The following BCAS3 variants were observed in gnomAD, a reference collection of about 807,000 sequenced individuals.
The protein encoded by BCAS3 is BCAS4/BCAS3 fusion.
A neutral mutation model predicts 116.1 loss-of-function variants in BCAS3; 53 were observed. The ratio of observed to expected loss-of-function variants is 0.46; its 90% CI spans 0.37 to 0.57. The LOEUF is 0.57. Among genes scored for constraint, BCAS3 ranks in the 20% least tolerant of loss-of-function variants. The pLI, the probability that BCAS3 is intolerant of heterozygous loss-of-function variation, is 0.00. For missense variants in BCAS3, 917 were observed against 1,165.4 expected (o/e 0.79, Z 3.10); for synonymous variants, 391 against 408.2 (o/e 0.96, Z 0.51).
chr17:61,198,109 G>C lies in BCAS3; in HGVS notation c.2425+113545G>C, dbSNP rs1258168370. 6.6e-6 allele frequency among the ~76,000 whole-genome samples: 1 copy of C among 151,526 alleles called. No homozygotes were observed. The highest frequency in any genetic ancestry group is 1.5e-5 in the Non-Finnish European group (1 of 67,932). On this transcript the variant is annotated intron_variant, in intron 22 of 23. Coordinates refer to ENST00000407086, the MANE Select transcript of BCAS3 (RefSeq NM_017679.5). This position sits in a 1 kb window ranked among gnomAD's most constrained non-coding sequence, Gnocchi z 5.0. ...ACTTAGTGGATGTTTGCTGATATGC[G>C]ATTAAGATAAAGTGCAAGATATGTT...
chr17:60,702,616 G>A (rs914392429), intron 4 of BCAS3, among the ~76,000 whole-genome samples: 2 of 151,972 alleles, frequency 1.3e-5, no homozygotes, highest in South Asian at 2.1e-4. Flanking sequence ...TTGAGACAGC[G>A]TCTTCCTCTG....
At chr17:61,143,944 C>T (rs1395467380) in intron 22 of BCAS3, among the ~76,000 whole-genome samples, 2 of 152,118 alleles carry the variant, frequency 1.3e-5, no homozygotes, top group African/African-American at 4.8e-5. Flanking sequence ...TGTGAAGCAC[C>T]AAGTAGATGG....
intron 9 of BCAS3, among the ~76,000 whole-genome samples, chr17:60,881,695 G>GC (rs1443363765): frequency 1.3e-5 from 2 of 149,364 alleles, no homozygotes; most frequent in Non-Finnish European, 3.0e-5. Flanking sequence ...GCGGTGTTTG[G>GC]TTTTTTGGTC....
chr17:60,951,176 A>C (rs2060810427), intron 14 of BCAS3, among the ~76,000 whole-genome samples: 1 of 152,018 alleles, frequency 6.6e-6, no homozygotes, highest in African/African-American at 2.4e-5. Flanking sequence ...TTTTTCAGTA[A>C]ATTTTCTTGG....
intron 22 of BCAS3, among the ~76,000 whole-genome samples, chr17:61,225,649 T>G (rs1421359072): frequency 1.3e-5 from 2 of 152,194 alleles, no homozygotes; most frequent in Non-Finnish European, 2.9e-5. Context: ...TGGATGTTGC[T>G]TTACTGCTTA....
Position 61,213,183 on chromosome 17 carries a change from G to A in BCAS3, c.2425+128619G>A, listed in dbSNP as rs2081573674. ...TTTGTTTGTTTGTTTTTTGTTTTTT[G>A]TTTTGAGATTGAGTCTCACTCTGTC... is the stretch of plus-strand genomic sequence containing the variant. On this transcript the variant is annotated intron_variant, in intron 22 of 23. Transcript: ENST00000407086. This position sits in a 1 kb window ranked among gnomAD's most constrained non-coding sequence, Gnocchi z 5.4. 6.6e-6 allele frequency among the ~76,000 whole-genome samples: 1 copy of A among 151,340 alleles called. No homozygotes were observed. Among genetic ancestry groups the A allele is most frequent in the Non-Finnish European group, 1.5e-5 (1 of 67,774 alleles).
In BCAS3 at chr17:61,034,582, G is replaced by A; in HGVS notation, c.1638-84G>A. 1 of 1,277,732 alleles carries A rather than the reference G, an allele frequency of 7.8e-7. No individual in the cohort carries two copies. Among genetic ancestry groups the A allele is most frequent in the Non-Finnish European group, 1.1e-6 (1 of 931,984 alleles). 79.1% of individuals were successfully genotyped at this position (1,277,732 alleles called of 1,614,324 possible). On this transcript the variant is annotated intron_variant, in intron 16 of 23. Transcript: ENST00000407086. The surrounding 1 kb of genome is among the most constrained non-coding windows in gnomAD (Gnocchi z 5.0). ...ATACTGGAGGATTTGAATAGGGGTG[G>A]AATTTAAAGGAAAAACTGTCATTAC...
rs2072781592 is a variant in BCAS3, at chr17:61,083,210, C to G, written c.2328-1257C>G. Among the ~76,000 whole-genome samples the G allele has an allele frequency of 6.6e-6, 1 of 152,204 alleles. No individual in the cohort carries two copies. The highest frequency in any genetic ancestry group is 1.5e-5 in the Non-Finnish European group (1 of 68,038). On this transcript the variant is annotated intron_variant, in intron 21 of 23. Transcript: ENST00000407086. This position sits in a 1 kb window ranked among gnomAD's most constrained non-coding sequence, Gnocchi z 4.9. ...TGTTCCAGCTCTGCAAGATCTCTAA[C>G]TGATGTGGACCCTGCATGTATTCCC...
intron 22 of BCAS3, among the ~76,000 whole-genome samples, chr17:61,341,723 G>A (rs2057169316): frequency 1.3e-5 from 2 of 152,174 alleles, no homozygotes; most frequent in African/African-American, 2.4e-5. Context: ...TTGTTATCAC[G>A]CTGCTTCCAT....
rs1482919622 is a variant in BCAS3 at position 61,380,614 on chromosome 17, C to G, written c.2594-11363C>G. 7 of 1,571,240 alleles carry G rather than the reference C, an allele frequency of 4.5e-6. No individual in the cohort carries two copies. The highest frequency in any genetic ancestry group is 6.1e-6 in the Non-Finnish European group (7 of 1,156,726). On this transcript the variant is annotated intron_variant, in intron 23 of 23. Coordinates refer to ENST00000407086, the MANE Select transcript of BCAS3 (RefSeq NM_017679.5). The surrounding 1 kb of genome is among the most constrained non-coding windows in gnomAD (Gnocchi z 4.2). The stretch of plus-strand genomic sequence containing the variant: ...TTTGCCTATGTGGAAGGGGTTGTCC[C>G]GTTGCTTCTTTTGTCCCTCAAGAGG...
chr17:60,718,889 G>T (rs761152744), intron 5 of BCAS3, among the ~76,000 whole-genome samples: 34 of 152,026 alleles, frequency 2.2e-4, no homozygotes, highest in Non-Finnish European at 4.0e-4. Flanking sequence ...GTGAAACGCA[G>T]TCTCTACTAA....
At chr17:60,888,136 C>T (rs1250046191) in intron 9 of BCAS3, among the ~76,000 whole-genome samples, 1 of 152,136 alleles carries the variant, frequency 6.6e-6, no homozygotes, top group African/African-American at 2.4e-5. Flanking sequence ...AGCTATAAAG[C>T]ATTCTTTTGG....
intron 16 of BCAS3, chr17:61,016,961 T>C (rs2065501132): frequency 6.6e-6 from 1 of 152,170 alleles, no homozygotes; most frequent in African/African-American, 2.4e-5. Context: ...GAGTGGTGTT[T>C]GTATATAAAA....
At chr17:60,873,750 G>A (rs907005898) in intron 8 of BCAS3, among the ~76,000 whole-genome samples, 11 of 152,138 alleles carry the variant, frequency 7.2e-5, no homozygotes, top group Admixed American at 2.0e-4. Flanking sequence ...AAATTCATCC[G>A]CCATTTAAAC....
chr17:61,123,756 T>C (rs1239504836), intron 22 of BCAS3, among the ~76,000 whole-genome samples: 1 of 152,164 alleles, frequency 6.6e-6, no homozygotes, highest in Non-Finnish European at 1.5e-5. Flanking sequence ...TGCAAACATA[T>C]TATTAAAAGT....
At chr17:60,819,025 G>A (rs2049693187) in intron 7 of BCAS3, among the ~76,000 whole-genome samples, 1 of 152,054 alleles carries the variant, frequency 6.6e-6, no homozygotes, top group Admixed American at 6.6e-5. Context: ...AAATCTTAGG[G>A]AAATAAGATG....
intron 22 of BCAS3, among the ~76,000 whole-genome samples, chr17:61,345,016 A>G (rs1210854769): frequency 6.6e-6 from 1 of 152,136 alleles, no homozygotes; most frequent in Non-Finnish European, 1.5e-5. Context: ...GGTAATCTGG[A>G]TTATAAACCA....
rs903748971 is a variant in BCAS3 at position 61,323,911 on chromosome 17, T to G, written c.2426-44416T>G. Among the ~76,000 whole-genome samples the G allele has an allele frequency of 2.6e-5, 4 of 152,250 alleles. No homozygotes were observed. The highest frequency in any genetic ancestry group is 9.6e-5 in the African/African-American group (4 of 41,476). On this transcript the variant is annotated intron_variant, in intron 22 of 23. Coordinates refer to ENST00000407086, the MANE Select transcript of BCAS3 (RefSeq NM_017679.5). The surrounding 1 kb of genome is among the most constrained non-coding windows in gnomAD (Gnocchi z 4.6). Reference sequence around the variant, plus strand: ...TCTTTCCCAGACGCTTCTTCCCTTCTTGTTTGCACATTCTTCCTGGAGGAA... The same window carrying G: ...TCTTTCCCAGACGCTTCTTCCCTTCGTGTTTGCACATTCTTCCTGGAGGAA...
rs189380171 is a variant in BCAS3, at chr17:60,988,539, T to C, written c.1222-1432T>C. Among the ~76,000 whole-genome samples the C allele has an allele frequency of 1.2e-3, 179 of 152,088 alleles. 1 individual carries two copies. Among genetic ancestry groups the C allele is most frequent in the African/African-American group, 3.6e-3 (150 of 41,558 alleles). ...AAGCCATTGGTCCTGGATTTTTCTT[T>C]GCTGGGAGACTTATTACATCTTCAG... On this transcript the variant is annotated intron_variant, in intron 14 of 23. Coordinates refer to ENST00000407086, the MANE Select transcript of BCAS3 (RefSeq NM_017679.5).
Sources: allele counts gnomAD v4.1 joint callset (sites outside exome capture counted in the v4.1 genomes callset), GRCh38; gene constraint gnomAD v4.1.1; non-coding constraint Gnocchi (gnomAD v3.1); transcripts MANE v1.5; gene names NCBI Gene and HGNC (gene_info 2026-07-23, HGNC 2026-07-21).